Variants in CTBP2 observed in about 807,000 individuals in gnomAD.
CTBP2 encodes the protein C-terminal binding protein 2.
A neutral mutation model predicts 80.3 loss-of-function variants in CTBP2; 30 were observed. The observed-to-expected ratio is 0.37, with a 90% CI of 0.28 to 0.51. The LOEUF is 0.51. Ranked by LOEUF, CTBP2 falls within the 20% of genes least tolerant of loss-of-function variation. The pLI is 0.93. For synonymous variants in CTBP2, 594 were observed against 587.4 expected, an observed-to-expected ratio of 1.01 and a Z score of -0.16; for missense variants, 1,212 against 1,375.3, an observed-to-expected ratio of 0.88 and a Z score of 1.88.
intron 1 of CTBP2, among the ~76,000 whole-genome samples, chr10:125,007,206 C>T (rs926864222): frequency 1.3e-5 from 2 of 152,238 alleles, no homozygotes; most frequent in African/African-American, 4.8e-5. Context: ...ACAGCTTGCC[C>T]ACATTAACTG....
intron 1 of CTBP2, among the ~76,000 whole-genome samples, chr10:125,143,848 C>T (rs985878775): frequency 6.6e-6 from 1 of 152,166 alleles, no homozygotes; most frequent in Admixed American, 6.5e-5. Context: ...CCAAAAGAAA[C>T]TGCCAGGGCC....
intron 2 of CTBP2, among the ~76,000 whole-genome samples, chr10:125,059,495 T>G (rs1964570649): frequency 6.6e-6 from 1 of 152,082 alleles, no homozygotes. Context: ...AGCATTAGAA[T>G]GGCTTGAACC....
At chr10:125,052,696 G>A (rs10794196) in intron 2 of CTBP2, among the ~76,000 whole-genome samples, 23,403 of 152,150 alleles carry the variant, frequency 0.15, 2,217 homozygotes, top group East Asian at 0.47. Flanking sequence ...GCCTCAGTCC[G>A]GGCTTTGTGT....
intron 2 of CTBP2, among the ~76,000 whole-genome samples, chr10:125,085,465 C>T (rs1304215972): frequency 2.6e-5 from 4 of 152,206 alleles, no homozygotes; most frequent in Non-Finnish European, 5.9e-5. Flanking sequence ...TGTGCAACAG[C>T]AGTTGCATCA....
chr10:125,053,628 C>T (rs1963267599), intron 2 of CTBP2, among the ~76,000 whole-genome samples: 1 of 152,214 alleles, frequency 6.6e-6, no homozygotes, highest in South Asian at 2.1e-4. Flanking sequence ...TTTGGAAGGT[C>T]TGAGGTTAGA....
intron 8 of CTBP2, among the ~76,000 whole-genome samples, chr10:124,990,434 C>G (rs1952451477): frequency 6.6e-6 from 1 of 152,182 alleles, no homozygotes; most frequent in Admixed American, 6.5e-5. Context: ...GCAACTAATT[C>G]ATAAAAACAA....
intron 1 of CTBP2, chr10:125,159,775 C>G (rs1387446488): frequency 6.7e-6 from 1 of 149,540 alleles, no homozygotes; most frequent in Non-Finnish European, 1.5e-5. Flanking sequence ...GACTCCTGTT[C>G]CCCGGAGATC....
chr10:125,151,872 C>A (rs539719764), intron 1 of CTBP2, among the ~76,000 whole-genome samples: 114 of 152,300 alleles, frequency 7.5e-4, no homozygotes, highest in African/African-American at 2.5e-3. Flanking sequence ...AGCGGCCCCG[C>A]CCAGCACAAA....
intron 2 of CTBP2, among the ~76,000 whole-genome samples, chr10:125,095,729 G>C (rs1297638738): frequency 6.6e-6 from 1 of 152,200 alleles, no homozygotes; most frequent in African/African-American, 2.4e-5. Flanking sequence ...TGTGTACAGG[G>C]ACAGGGCCTG....
intron 1 of CTBP2, among the ~76,000 whole-genome samples, chr10:125,119,669 G>T (rs1278131512): frequency 6.6e-6 from 1 of 152,208 alleles, no homozygotes; most frequent in Non-Finnish European, 1.5e-5. Context: ...ATAAGAGACA[G>T]AATAGATCCA....
intron 1 of CTBP2, among the ~76,000 whole-genome samples, chr10:125,144,450 A>G (rs1482748757): frequency 6.6e-6 from 1 of 152,260 alleles, no homozygotes; most frequent in Non-Finnish European, 1.5e-5. Flanking sequence ...AAGCCAATGT[A>G]TAACAAAGTA....
In CTBP2 at chr10:124,987,902, G is replaced by C. The variant is rs1952101290; in HGVS notation, c.*1616C>G. On this transcript the variant is annotated 3_prime_UTR_variant, in exon 9 of 9. Transcript: ENST00000309035. ...TTAAAAAGAAGATCCATTAAATCAA[G>C]CTCTTAACTCATGGGACTATTTGCA... The C allele has an allele frequency of 6.6e-6, 1 of 152,276 alleles. No homozygotes were observed. Among genetic ancestry groups the C allele is most frequent in the Non-Finnish European group, 1.5e-5 (1 of 68,002 alleles). 9.4% of individuals were successfully genotyped at this position (152,276 alleles called of 1,614,324 possible).
chr10:125,064,819 AG>A (rs1392641069), intron 2 of CTBP2, among the ~76,000 whole-genome samples: 1 of 152,148 alleles, frequency 6.6e-6, no homozygotes, highest in Non-Finnish European at 1.5e-5. Flanking sequence ...TTAAAGACAG[AG>A]GAAGAAAAGA....
chr10:125,002,264 G>A (rs566067644), intron 3 of CTBP2, among the ~76,000 whole-genome samples: 13 of 152,354 alleles, frequency 8.5e-5, no homozygotes, highest in African/African-American at 3.1e-4. Flanking sequence ...GATGCCAGCG[G>A]TCTGCTTCTT....
At chr10:125,005,633 C>T in intron 1 of CTBP2, 2 of 1,612,930 alleles carry the variant, frequency 1.2e-6, no homozygotes, top group Non-Finnish European at 1.7e-6. Context: ...CGCAACAGCA[C>T]CGTCACCTGA....
chr10:125,095,267 C>A (rs927817489), intron 2 of CTBP2, among the ~76,000 whole-genome samples: 2 of 152,114 alleles, frequency 1.3e-5, no homozygotes, highest in African/African-American at 4.8e-5. Context: ...AACAGAGGGG[C>A]GTAGGGTCCC....
At chr10:124,997,605 G>A (rs974872398) in intron 4 of CTBP2, 5 of 294,868 alleles carry the variant, frequency 1.7e-5, no homozygotes, top group Non-Finnish European at 3.2e-5. Context: ...CGAGCCCCAA[G>A]CCTGGCTGCT....
intron 1 of CTBP2, among the ~76,000 whole-genome samples, chr10:125,024,319 A>G (rs1429086961): frequency 6.6e-6 from 1 of 152,216 alleles, no homozygotes; most frequent in Non-Finnish European, 1.5e-5. Context: ...CATTTAACAG[A>G]GACATTTGAT....
At chr10:125,036,366 T>C (rs1958867629) in intron 3 of CTBP2, among the ~76,000 whole-genome samples, 1 of 152,046 alleles carries the variant, frequency 6.6e-6, no homozygotes, top group South Asian at 2.1e-4. Context: ...TGGCATTGTG[T>C]AGCAGGCGGG....
Sources: allele counts gnomAD v4.1 joint callset (sites outside exome capture counted in the v4.1 genomes callset), GRCh38; gene constraint gnomAD v4.1.1; transcripts MANE v1.5; gene names NCBI Gene and HGNC (gene_info 2026-07-23, HGNC 2026-07-21).